ZNF112: variants seen among roughly 807,000 people sequenced by gnomAD.
The protein encoded by ZNF112 is zinc finger protein 112.
ZNF112 carries 37 observed loss-of-function variants against 77.7 expected under a neutral mutation model. That is an observed-to-expected ratio of 0.48 (90% confidence interval 0.37 to 0.63). ZNF112 has a LOEUF of 0.63. Ranked by LOEUF, ZNF112 falls within the 20% of genes least tolerant of loss-of-function variation. ZNF112 has a pLI of 0.00. For missense variants in ZNF112, 950 were observed against 1,077.4 expected, an observed-to-expected ratio of 0.88 and a Z score of 1.66; for synonymous variants, 333 against 363.6, an observed-to-expected ratio of 0.92 and a Z score of 0.96.
chr19:44,353,386 A>G (rs772201764), intron 1 of ZNF112, among the ~76,000 whole-genome samples: 3 of 152,124 alleles, frequency 2.0e-5, no homozygotes, highest in Non-Finnish European at 4.4e-5. Context: ...GATAACATTG[A>G]TAAATTAGAT....
upstream of ZNF112, among the ~76,000 whole-genome samples, chr19:44,358,068 C>T (rs1405301015): frequency 1.4e-5 from 2 of 147,456 alleles, no homozygotes; most frequent in East Asian, 2.1e-4. Flanking sequence ...AGGAGAATGG[C>T]GTGAACCCGG....
chr19:44,359,056 A>C (rs747263362), upstream of ZNF112, among the ~76,000 whole-genome samples: 3 of 152,160 alleles, frequency 2.0e-5, no homozygotes, highest in Non-Finnish European at 2.9e-5. Context: ...AACATTATTA[A>C]ACAACTTCCC....
exon 1 of ZNF112, chr19:44,367,123 T>C (rs574607904): frequency 4.4e-6 from 2 of 456,198 alleles, no homozygotes; most frequent in Non-Finnish European, 4.4e-6. Flanking sequence ...GCGGATGCTC[T>C]TCTCGAAGAC....
intron 1 of ZNF112, among the ~76,000 whole-genome samples, chr19:44,344,410 G>A (rs901245061): frequency 1.3e-5 from 2 of 152,214 alleles, no homozygotes; most frequent in Non-Finnish European, 2.9e-5. Flanking sequence ...AAAATGAACT[G>A]TGGGTAAGGC....
At chr19:44,331,076 C>A (rs1970262459) in intron 3 of ZNF112, among the ~76,000 whole-genome samples, 1 of 152,184 alleles carries the variant, frequency 6.6e-6, no homozygotes. Flanking sequence ...TAACGCGCTG[C>A]CAGCTGCGCT....
intron 1 of ZNF112, among the ~76,000 whole-genome samples, chr19:44,354,394 C>T (rs548815758): frequency 6.6e-6 from 1 of 152,142 alleles, no homozygotes; most frequent in East Asian, 1.9e-4. Context: ...TTTTAAAAAC[C>T]TGGAAACACA....
intron 1 of ZNF112, among the ~76,000 whole-genome samples, chr19:44,348,973 T>C (rs1319504313): frequency 1.3e-5 from 2 of 152,112 alleles, no homozygotes; most frequent in South Asian, 2.1e-4. Context: ...CTTGTTTCTG[T>C]ACAGGATGTA....
At chr19:44,341,743 T>A (rs1970494208) in intron 1 of ZNF112, among the ~76,000 whole-genome samples, 1 of 152,236 alleles carries the variant, frequency 6.6e-6, no homozygotes, top group South Asian at 2.1e-4. Flanking sequence ...CCATGGACAT[T>A]GTAAATATTT....
chr19:44,338,965 G>A (rs1014524995), intron 2 of ZNF112, among the ~76,000 whole-genome samples: 3 of 152,082 alleles, frequency 2.0e-5, no homozygotes, highest in East Asian at 1.9e-4. Flanking sequence ...GGTGGCTGAG[G>A]CACGAGAATC....
intron 2 of ZNF112, among the ~76,000 whole-genome samples, chr19:44,338,474 C>T (rs1970429440): frequency 1.3e-5 from 2 of 152,158 alleles, no homozygotes; most frequent in Non-Finnish European, 2.9e-5. Flanking sequence ...TCAAAGTTAA[C>T]ACCACCTTTG....
intron 1 of ZNF112, among the ~76,000 whole-genome samples, chr19:44,356,266 T>TA (rs1970784261): frequency 6.6e-6 from 1 of 152,166 alleles, no homozygotes; most frequent in African/African-American, 2.4e-5. Context: ...CTCCATTAGA[T>TA]AGATACTAGT....
chr19:44,336,834 C>T, intron 2 of ZNF112, 116 bp from the exon 3 acceptor site: 1 of 738,188 alleles, frequency 1.4e-6, no homozygotes, highest in Non-Finnish European at 2.3e-6. Context: ...CCCTTCCACC[C>T]TGTTACCTTC....
At chr19:44,333,381 G>A (rs977595313) in intron 3 of ZNF112, among the ~76,000 whole-genome samples, 1 of 152,196 alleles carries the variant, frequency 6.6e-6, no homozygotes, top group African/African-American at 2.4e-5. Flanking sequence ...ACAAGGTATA[G>A]TGGTGACAAT....
chr19:44,364,737 G>A (rs191439897), intron 1 of ZNF112, among the ~76,000 whole-genome samples: 1 of 152,260 alleles, frequency 6.6e-6, no homozygotes, highest in Non-Finnish European at 1.5e-5. Context: ...TATAGGGATG[G>A]AAATAATTTG....
At chr19:44,364,907 A>T (rs1970888215) in intron 1 of ZNF112, among the ~76,000 whole-genome samples, 1 of 152,160 alleles carries the variant, frequency 6.6e-6, no homozygotes, top group Non-Finnish European at 1.5e-5. Flanking sequence ...CACCTAGTGC[A>T]TGAAGGATAT....
chr19:44,342,427 T>A (rs1970506954), intron 1 of ZNF112, among the ~76,000 whole-genome samples: 1 of 152,204 alleles, frequency 6.6e-6, no homozygotes, highest in South Asian at 2.1e-4. Context: ...TCTCTCACAC[T>A]GGTTTTTGAG....
chr19:44,327,930 A>G lies in ZNF112; in HGVS notation c.2227T>C (p.Tyr743His), dbSNP rs1970162366. The G allele has an allele frequency of 4.3e-6, 7 of 1,613,476 alleles. No homozygotes were observed. Among genetic ancestry groups the G allele is most frequent in the Non-Finnish European group, 5.9e-6 (7 of 1,179,884 alleles). The change falls in exon 4 of 4, where the codon TAT becomes CAT. Residue 743 changes from tyrosine (Y) to histidine (H), a missense_variant. Transcript: ENST00000354340. ...CCCTTCCCACACATCTCACATTTAT[A>G]CGGTTTCACTCTAGTGTGGACTCTC... ...HQRVHTRVKPYKCEMCGKGFS... is the reference protein window; with the variant it reads ...HQRVHTRVKPHKCEMCGKGFS...
chr19:44,340,533 T>C lies in ZNF112; in HGVS notation c.7A>G (p.Thr3Ala). The C allele has an allele frequency of 6.2e-7, 1 of 1,613,948 alleles. No individual in the cohort carries two copies. The highest frequency in any genetic ancestry group is 1.1e-5 in the South Asian group (1 of 91,078). The change falls in exon 2 of 4, where the codon ACA (threonine) becomes GCA (alanine). Residue 3 changes from threonine (T) to alanine (A), a missense_variant. By Grantham distance (58) the Thr-to-Ala change is moderately conservative. This residue lies in a region of ZNF112 where 17 missense variants were observed against 37.3 expected (regional missense o/e 0.46). Transcript: ENST00000354340. Reference protein sequence around the residue: MVTFKDVAVVFTE... With the variant: MVAFKDVAVVFTE... ...AAGACCACAGCAACATCCTTGAATGTCACCATCTCCTACAATGCCAAACAC... is the reference window on the plus strand; with the variant it reads ...AAGACCACAGCAACATCCTTGAATGCCACCATCTCCTACAATGCCAAACAC...
chr19:44,357,977 C>G (rs543817217), upstream of ZNF112, among the ~76,000 whole-genome samples: 1 of 151,888 alleles, frequency 6.6e-6, no homozygotes, highest in Non-Finnish European at 1.5e-5. Context: ...ATGGTGAAAC[C>G]CCGTCTCTAC....
Sources: gnomAD v4.1 joint callset for allele counts (sites outside exome capture counted in the v4.1 genomes callset) on GRCh38, gnomAD v4.1.1 for gene constraint, gnomAD v4.1.1 regional missense constraint, MANE v1.5 for transcripts, NCBI Gene and HGNC (gene_info 2026-07-23, HGNC 2026-07-21) for gene names.